Variants in MED27 observed in about 807,000 individuals in gnomAD.
MED27 encodes the protein mediator of RNA polymerase II transcription subunit 27.
Under a neutral mutation model 38.2 loss-of-function variants are expected in MED27, and 30 were observed. That is an observed-to-expected ratio of 0.79 (90% CI 0.59 to 1.07). The LOEUF is 1.07. MED27 is among the 50% of genes least tolerant of loss of function. The probability of loss-of-function intolerance (pLI) is 0.00; values close to 1 mark genes in which losing one functional copy is unlikely to be tolerated. For synonymous variants in MED27, 122 were observed against 153.5 expected, an observed-to-expected ratio of 0.79 and a Z score of 1.52; for missense variants, 289 against 397.5, an observed-to-expected ratio of 0.73 and a Z score of 2.32.
intron 3 of MED27, among the ~76,000 whole-genome samples, chr9:132,008,503 T>C (rs1247442590): frequency 2.0e-5 from 3 of 152,210 alleles, no homozygotes; most frequent in Admixed American, 6.5e-5. Context: ...TGATAAAATA[T>C]CTTTCATCAT....
At chr9:131,863,169 C>T (rs758467873) in intron 6 of MED27, 29 bp from the exon 7 acceptor site, 56 of 1,596,430 alleles carry the variant, frequency 3.5e-5, no homozygotes, top group Non-Finnish European at 4.6e-5. Context: ...GACGAGTTAG[C>T]GGCCACTCCA....
intron 4 of MED27, among the ~76,000 whole-genome samples, chr9:131,933,881 T>C (rs773684177): frequency 6.6e-5 from 10 of 152,064 alleles, no homozygotes; most frequent in Non-Finnish European, 1.3e-4. Context: ...TCAAATTATA[T>C]TGCAGAGCTA....
chr9:131,906,453 A>G (rs9411322), intron 4 of MED27, among the ~76,000 whole-genome samples: 1 of 43,530 alleles, frequency 2.3e-5, no homozygotes, highest in African/African-American at 6.8e-5. Context: ...AACAGAAAGG[A>G]GGTCGGACAG....
At chr9:131,933,457 A>C (rs1477976950) in intron 4 of MED27, among the ~76,000 whole-genome samples, 1 of 152,168 alleles carries the variant, frequency 6.6e-6, no homozygotes, top group Admixed American at 6.5e-5. Flanking sequence ...CTATATGCTA[A>C]GAGCGAACAA....
intron 6 of MED27, among the ~76,000 whole-genome samples, chr9:131,880,147 C>T (rs553594700): frequency 1.3e-5 from 2 of 152,244 alleles, no homozygotes; most frequent in Middle Eastern, 3.4e-3. Flanking sequence ...GCGCATGCTT[C>T]GTGCTTTCTA....
intron 5 of MED27, among the ~76,000 whole-genome samples, chr9:131,884,851 GC>G (rs545851851): frequency 6.6e-6 from 1 of 152,028 alleles, no homozygotes; most frequent in Non-Finnish European, 1.5e-5. Flanking sequence ...CAGGTGATCT[GC>G]CCCCCTTGGA....
chr9:131,928,706 G>C (rs73658156), intron 4 of MED27, among the ~76,000 whole-genome samples: 6,346 of 152,322 alleles, frequency 0.042, 230 homozygotes, highest in African/African-American at 0.1. Flanking sequence ...ACCCACCCCA[G>C]TGTGGGAACT....
chr9:131,922,686 G>A (rs1236892005), intron 4 of MED27, among the ~76,000 whole-genome samples: 1 of 151,490 alleles, frequency 6.6e-6, no homozygotes, highest in African/African-American at 2.4e-5. Flanking sequence ...TGTGCACAAT[G>A]TGCAGGTTTG....
intron 4 of MED27, among the ~76,000 whole-genome samples, chr9:131,903,453 G>C (rs967989920): frequency 2.0e-5 from 3 of 152,182 alleles, no homozygotes; most frequent in Non-Finnish European, 4.4e-5. Context: ...CATATCACAG[G>C]TGTTACCCCA....
At chr9:132,016,711 C>T (rs979452795) in intron 2 of MED27, among the ~76,000 whole-genome samples, 1 of 152,180 alleles carries the variant, frequency 6.6e-6, no homozygotes, top group African/African-American at 2.4e-5. Flanking sequence ...GGCTTTCCTC[C>T]TTTGTATTTA....
chr9:131,945,968 TAAA>T (rs763561881), intron 3 of MED27, among the ~76,000 whole-genome samples: 4 of 114,292 alleles, frequency 3.5e-5, no homozygotes, highest in African/African-American at 3.1e-5. Flanking sequence ...CCCTATCTCT[TAAA>T]AAAAAAAAAA....
In MED27 at chr9:131,998,995, T is replaced by A. The variant is rs73658166; in HGVS notation, c.479+15342A>T. On this transcript the variant is annotated intron_variant, in intron 3 of 7. Transcript: ENST00000292035. ...CTAGAGCTACTGTGCCTGGGATTCA[T>A]GCTAGTTTAAGGAGCTGATAAAACA... 2.1e-3 allele frequency among the ~76,000 whole-genome samples: 322 copies of A among 152,232 alleles called. 4 individuals are homozygous for A. The highest frequency in any genetic ancestry group is 7.4e-3 in the African/African-American group (308 of 41,548).
At chr9:132,060,986 A>G (rs1346790095) in intron 2 of MED27, among the ~76,000 whole-genome samples, 1 of 152,122 alleles carries the variant, frequency 6.6e-6, no homozygotes, top group East Asian at 1.9e-4. Flanking sequence ...TTTTTCTTTC[A>G]GAGGACAGTG....
intron 2 of MED27, among the ~76,000 whole-genome samples, chr9:132,025,845 C>T (rs937722926): frequency 1.3e-5 from 2 of 152,112 alleles, no homozygotes; most frequent in East Asian, 1.9e-4. Flanking sequence ...TAGTGTTAAT[C>T]GGCTGAGATT....
chr9:132,052,775 C>T (rs1833492090), intron 2 of MED27, among the ~76,000 whole-genome samples: 1 of 151,748 alleles, frequency 6.6e-6, no homozygotes, highest in Non-Finnish European at 1.5e-5. Context: ...AGTACTTGAC[C>T]TTCCATTTCT....
At chr9:131,961,237 G>A (rs777424856) in intron 3 of MED27, among the ~76,000 whole-genome samples, 4 of 152,172 alleles carry the variant, frequency 2.6e-5, no homozygotes, top group Non-Finnish European at 4.4e-5. Flanking sequence ...AAAATGGCCC[G>A]CACGTGGCAT....
In MED27 at chr9:132,044,288, C is replaced by T. The variant is rs983562900; in HGVS notation, c.349-29821G>A. ...ATTAAAGGAGGAACAATAATGCATA[C>T]GTCATGGAGTTGCTTCTAGGTTCAG... is the stretch of plus-strand genomic sequence containing the variant. On this transcript the variant is annotated intron_variant, in intron 2 of 7. Coordinates refer to ENST00000292035, the MANE Select transcript of MED27 (RefSeq NM_004269.4). Among the ~76,000 whole-genome samples the T allele has an allele frequency of 4.6e-5, 7 of 152,198 alleles. 1 individual carries two copies. Among genetic ancestry groups the T allele is most frequent in the Admixed American group, 2.0e-4 (3 of 15,282 alleles).
At chr9:131,869,053 A>G (rs1043241522) in intron 6 of MED27, 1 of 985,328 alleles carries the variant, frequency 1.0e-6, no homozygotes, top group African/African-American at 1.7e-5. Flanking sequence ...TCCAGTATAA[A>G]GCATATATTC....
At chr9:131,908,677 AGCATGCTCGTTAAG>A (rs1276491388) in intron 4 of MED27, among the ~76,000 whole-genome samples, 4 of 152,174 alleles carry the variant, frequency 2.6e-5, no homozygotes, top group African/African-American at 9.7e-5. Flanking sequence ...GCTTGAAGGC[AGCATGCTCGTTAAG>A]AGTCATCACC....
Sources: allele counts gnomAD v4.1 joint callset (sites outside exome capture counted in the v4.1 genomes callset), GRCh38; gene constraint gnomAD v4.1.1; transcripts MANE v1.5; gene names NCBI Gene and HGNC (gene_info 2026-07-23, HGNC 2026-07-21).